Variants in ALPK3 observed in about 807,000 individuals in gnomAD.
ALPK3 encodes the protein alpha-protein kinase 3.
ALPK3 carries 102 observed loss-of-function variants against 140.0 expected under a neutral mutation model. That is an observed-to-expected ratio of 0.73 (90% confidence interval 0.62 to 0.86). The LOEUF (loss-of-function observed/expected upper bound fraction) is 0.86, where lower values mean the gene tolerates loss of function less well. Among genes scored for constraint, ALPK3 ranks in the 40% least tolerant of loss-of-function variants. The pLI is 0.00. For missense variants in ALPK3, 2,254 were observed against 2,208.2 expected (o/e 1.02, Z -0.42); for synonymous variants, 938 against 898.5 (o/e 1.04, Z -0.79).
rs1963860194 is a variant in ALPK3 at position 84,856,372 on chromosome 15, T to G, written c.1654-20T>G. 2 of 1,570,436 alleles carry G rather than the reference T, an allele frequency of 1.3e-6. No homozygotes were observed. Among genetic ancestry groups the G allele is most frequent in the Admixed American group, 3.8e-5 (2 of 53,138 alleles). On this transcript the variant is annotated intron_variant, in intron 5 of 13. Coordinates refer to ENST00000258888, the MANE Select transcript of ALPK3 (RefSeq NM_020778.5). Reference sequence around the variant, plus strand: ...AATGTCCATGTAGTTAAATCCTTGCTTTTGTCCCTCTGTTTTCAGGTCCTG... The same window carrying G: ...AATGTCCATGTAGTTAAATCCTTGCGTTTGTCCCTCTGTTTTCAGGTCCTG...
At position 84,856,956 on chromosome 15, in the gene ALPK3, A is replaced by G; in HGVS notation, c.2218A>G (p.Lys740Glu). 1 of 1,614,094 alleles carries G rather than the reference A, an allele frequency of 6.2e-7. No homozygotes were observed. The highest frequency in any genetic ancestry group is 8.5e-7 in the Non-Finnish European group (1 of 1,180,002). ...TSLGPPSRTP[K>E]LPPTAGPRAP... ...CCTCGGCCCACCATCCAGAACCCCC[A>G]AACTCCCACCTACAGCGGGTCCTAG... Residue 740 changes from lysine (K) to glutamate (E), a missense_variant, in exon 6 of 14, where the codon AAA becomes GAA. Around this residue, in one of 3 missense-constraint regions of ALPK3, gnomAD observed 2,088 missense variants for 2,022.9 expected, o/e 1.03. Coordinates refer to ENST00000258888, the MANE Select transcript of ALPK3 (RefSeq NM_020778.5).
At chr15:84,839,657 A>G (rs1315434176) in intron 4 of ALPK3, 45 bp from the exon 5 acceptor site, 1 of 1,539,018 alleles carries the variant, frequency 6.5e-7, no homozygotes, top group East Asian at 2.3e-5. Context: ...GGGGGCTCTC[A>G]CCTCCCAGGA....
chr15:84,849,803 A>G (rs953411741), intron 5 of ALPK3, among the ~76,000 whole-genome samples: 2 of 152,122 alleles, frequency 1.3e-5, no homozygotes, highest in Non-Finnish European at 2.9e-5. Flanking sequence ...TAGAAAAGAA[A>G]AAGGATCTGA....
chr15:84,838,638 T>TTATTATTATTATTATTATTA (rs145586317), intron 3 of ALPK3, among the ~76,000 whole-genome samples: 4 of 139,498 alleles, frequency 2.9e-5, no homozygotes, highest in Non-Finnish European at 4.6e-5. Context: ...ATTATTATTA[T>TTATTATTATTATTATTATTA]TGAGATGGAG....
intron 5 of ALPK3, among the ~76,000 whole-genome samples, chr15:84,847,212 A>G (rs879912905): frequency 0.22 from 8,900 of 39,848 alleles, 450 homozygotes; most frequent in Non-Finnish European, 0.28. Flanking sequence ...AAACGGGGAG[A>G]GAGAGAGAGA....
chr15:84,840,769 A>G lies in ALPK3; in HGVS notation c.1490A>G (p.Lys497Arg), dbSNP rs1383281992. ...AAAGGAGAGGCCACCACTGACAGCA[A>G]GCCCATTTCTTCTCTGAGTCAAGCT... ...KPKGEATTDS[K>R]PISSLSQAPE... Residue 497 changes from lysine to arginine, a missense_variant, in exon 5 of 14, where the codon AAG becomes AGG. Transcript: ENST00000258888. 13 of 1,614,232 alleles carry G rather than the reference A, an allele frequency of 8.1e-6. No individual in the cohort carries two copies. The highest frequency in any genetic ancestry group is 1.1e-5 in the Non-Finnish European group (13 of 1,180,036).
intron 5 of ALPK3, among the ~76,000 whole-genome samples, chr15:84,847,198 G>T (rs1423759116): frequency 8.8e-6 from 1 of 113,912 alleles, no homozygotes; most frequent in East Asian, 2.6e-4. Flanking sequence ...AGGAAGGGAG[G>T]GAGAAACGGG....
At chr15:84,862,028 C>T (rs1470720317) in intron 9 of ALPK3, among the ~76,000 whole-genome samples, 2 of 151,746 alleles carry the variant, frequency 1.3e-5, no homozygotes, top group Non-Finnish European at 2.9e-5. Context: ...TGCTAGCTCT[C>T]TTGCTTTCTG....
chr15:84,840,757 C>T lies in ALPK3; in HGVS notation c.1478C>T (p.Thr493Ile), dbSNP rs2141557297. 3 of 1,614,110 alleles carry T rather than the reference C, an allele frequency of 1.9e-6. No individual in the cohort carries two copies. Among genetic ancestry groups the T allele is most frequent in the Non-Finnish European group, 2.5e-6 (3 of 1,179,988 alleles). ...CCTCCAAAGCCCAAAGGAGAGGCCA[C>T]CACTGACAGCAAGCCCATTTCTTCT... Reference protein sequence around the residue: ...FAPPKPKGEATTDSKPISSLS... With the variant: ...FAPPKPKGEAITDSKPISSLS... Residue 493 changes from threonine (T) to isoleucine (I), a missense_variant, in exon 5 of 14, where the codon ACC becomes ATC. Thr to Ile is a moderately conservative substitution (Grantham distance 89, BLOSUM62 -1). Around this residue, in one of 3 missense-constraint regions of ALPK3, gnomAD observed 2,088 missense variants for 2,022.9 expected, o/e 1.03. Coordinates refer to ENST00000258888, the MANE Select transcript of ALPK3 (RefSeq NM_020778.5).
intron 3 of ALPK3, 150 bp downstream of exon 3, chr15:84,827,755 A>G (rs1365773954): frequency 8.2e-7 from 1 of 1,219,254 alleles, no homozygotes; most frequent in Non-Finnish European, 1.1e-6. Flanking sequence ...CTCTAGTTTA[A>G]CATCCCTGTG....
Position 84,857,484 on chromosome 15 carries a change from C to T in ALPK3, c.2746C>T (p.Leu916=). The T allele has an allele frequency of 1.2e-6, 2 of 1,606,286 alleles. No individual in the cohort carries two copies. Among genetic ancestry groups the T allele is most frequent in the Non-Finnish European group, 1.7e-6 (2 of 1,175,304 alleles). Residue 916 remains leucine (L), a synonymous_variant, in exon 6 of 14, where the codon CTG becomes TTG. Transcript: ENST00000258888. ...TTCTGCCCCAACACTGCACCTGGGG[C>T]TGGGGACCCCCACTCAGAGTCACCC... ...MSSAPTLHLG[L]GTPTQSHPPE... is the part of the protein sequence containing the mutation.
chr15:84,847,208 G>GAGAGGGA (rs373039929), intron 5 of ALPK3, among the ~76,000 whole-genome samples: 1 of 116,578 alleles, frequency 8.6e-6, no homozygotes, highest in African/African-American at 3.6e-5. Flanking sequence ...GGAGAAACGG[G>GAGAGGGA]GAGAGAGAGA....
chr15:84,822,750 T>G (rs1357932364), intron 1 of ALPK3, among the ~76,000 whole-genome samples: 1 of 152,232 alleles, frequency 6.6e-6, no homozygotes, highest in Non-Finnish European at 1.5e-5. Flanking sequence ...GTGTGGACCA[T>G]GGAGCTGGGT....
At position 84,858,353 on chromosome 15, in the gene ALPK3, A is replaced by C; in HGVS notation, c.3615A>C (p.Pro1205=). ...GGAAAAGCCTGGTGCCTGGGTCCCC[A>C]GGGACTCCAGGGCGGGAGAGACGCT... ...GPRKSLVPGS[P]GTPGRERRSP... The change falls in exon 6 of 14, where the codon CCA becomes CCC. Residue 1205 remains proline (P), a synonymous_variant. Coordinates refer to ENST00000258888, the MANE Select transcript of ALPK3 (RefSeq NM_020778.5). The C allele has an allele frequency of 6.4e-7, 1 of 1,555,176 alleles. No individual in the cohort carries two copies. Among genetic ancestry groups the C allele is most frequent in the Non-Finnish European group, 8.7e-7 (1 of 1,150,134 alleles).
chr15:84,858,216 G>A lies in ALPK3; in HGVS notation c.3478G>A (p.Ala1160Thr). The change falls in exon 6 of 14, where the codon GCT (alanine) becomes ACT (threonine). Residue 1160 changes from alanine to threonine, a missense_variant. Ala to Thr is a moderately conservative substitution (Grantham distance 58, BLOSUM62 0). Transcript: ENST00000258888. The stretch of plus-strand genomic sequence containing the variant: ...CCCGGCAGCTACACCTGAGGAACTG[G>A]CTCTAGGGGCCCGGAGGAAGAGATT... ...GLPAATPEEL[A>T]LGARRKRFLP... is the part of the protein sequence containing the mutation. 1.9e-6 allele frequency: 3 copies of A among 1,612,168 alleles called. No homozygotes were observed. Among genetic ancestry groups the A allele is most frequent in the East Asian group, 2.2e-5 (1 of 44,766 alleles).
intron 9 of ALPK3, among the ~76,000 whole-genome samples, chr15:84,860,435 A>G (rs890254775): frequency 1.3e-5 from 2 of 152,110 alleles, no homozygotes; most frequent in African/African-American, 4.8e-5. Flanking sequence ...AACCTGCTAG[A>G]AATGCAGTTT....
chr15:84,820,662 A>G (rs1465238003), intron 1 of ALPK3, among the ~76,000 whole-genome samples: 1 of 152,122 alleles, frequency 6.6e-6, no homozygotes, highest in Admixed American at 6.5e-5. Flanking sequence ...TTGTATTTTT[A>G]GCAGAGACGG....
intron 1 of ALPK3, among the ~76,000 whole-genome samples, chr15:84,820,995 T>TC (rs1292247276): frequency 4.0e-5 from 6 of 151,494 alleles, no homozygotes. Context: ...CAACCCTTTT[T>TC]TTTTCTTCTA....
rs1278304464 is a variant in ALPK3, at chr15:84,873,233, G to T, written c.*4777G>T. On this transcript the variant is annotated 3_prime_UTR_variant, in exon 14 of 14. Coordinates refer to ENST00000258888, the MANE Select transcript of ALPK3 (RefSeq NM_020778.5). Reference sequence around the variant, plus strand: ...GGGTCCTGCCAGAGGGCAGTGAGGGGGTTGATGGGCTGGGTGCATGCCAGG... The same window carrying T: ...GGGTCCTGCCAGAGGGCAGTGAGGGTGTTGATGGGCTGGGTGCATGCCAGG... 6.6e-6 allele frequency: 1 copy of T among 152,152 alleles called. No homozygotes were observed. Among genetic ancestry groups the T allele is most frequent in the East Asian group, 1.9e-4 (1 of 5,184 alleles). The allele number at this position is 152,152 out of a possible 1,614,324, so 9.4% of individuals were successfully genotyped here.
Sources: gnomAD v4.1 joint callset for allele counts (sites outside exome capture counted in the v4.1 genomes callset) on GRCh38, gnomAD v4.1.1 for gene constraint, gnomAD v4.1.1 regional missense constraint, MANE v1.5 for transcripts, NCBI Gene and HGNC (gene_info 2026-07-23, HGNC 2026-07-21) for gene names.